HSDL2: variants seen among roughly 807,000 people sequenced by gnomAD.
HSDL2 encodes hydroxysteroid dehydrogenase like 2.
HSDL2 carries 27 observed loss-of-function variants against 46.3 expected under a neutral mutation model. That is an observed-to-expected ratio of 0.58 (90% confidence interval 0.43 to 0.80). The LOEUF is 0.80. HSDL2 is among the 30% of genes least tolerant of loss of function. The pLI, the probability that HSDL2 is intolerant of heterozygous loss-of-function variation, is 0.00. For missense variants in HSDL2, 451 were observed against 502.7 expected, an observed-to-expected ratio of 0.90 and a Z score of 0.98; for synonymous variants, 153 against 163.6, an observed-to-expected ratio of 0.94 and a Z score of 0.50.
intron 8 of HSDL2, among the ~76,000 whole-genome samples, chr9:112,443,629 C>G (rs1377037899): frequency 6.6e-6 from 1 of 152,174 alleles, no homozygotes; most frequent in Non-Finnish European, 1.5e-5. Flanking sequence ...ACTCAGGAGA[C>G]TGAAGCAGGA....
At chr9:112,453,125 G>A (rs944667353) in intron 8 of HSDL2, among the ~76,000 whole-genome samples, 4 of 152,180 alleles carry the variant, frequency 2.6e-5, no homozygotes. Context: ...TCTAACCCGT[G>A]ATGGGAGGAT....
chr9:112,435,268 A>T (rs1454294789), intron 6 of HSDL2, among the ~76,000 whole-genome samples: 2 of 152,114 alleles, frequency 1.3e-5, no homozygotes, highest in African/African-American at 4.8e-5. Flanking sequence ...TATACATGAC[A>T]TATTTTATTA....
chr9:112,466,236 G>A (rs1833373935), intron 10 of HSDL2, among the ~76,000 whole-genome samples: 1 of 152,010 alleles, frequency 6.6e-6, no homozygotes, highest in African/African-American at 2.4e-5. Flanking sequence ...TCAAAATTTG[G>A]TTATTTGTCT....
intron 1 of HSDL2, among the ~76,000 whole-genome samples, chr9:112,402,592 G>A (rs1831629860): frequency 6.6e-6 from 1 of 151,102 alleles, no homozygotes; most frequent in Admixed American, 6.6e-5. Context: ...GCCAGCCTGA[G>A]TAAGATGGTG....
intron 2 of HSDL2, among the ~76,000 whole-genome samples, chr9:112,404,803 G>C (rs1831688279): frequency 6.6e-6 from 1 of 152,216 alleles, no homozygotes; most frequent in South Asian, 2.1e-4. Flanking sequence ...AGTTGACATT[G>C]CTAGTTTTGT....
intron 10 of HSDL2, among the ~76,000 whole-genome samples, chr9:112,466,860 G>A (rs1833406927): frequency 6.6e-6 from 1 of 152,082 alleles, no homozygotes; most frequent in Admixed American, 6.6e-5. Context: ...GTAGATGGTA[G>A]GAGAGTCCAA....
At chr9:112,396,217 G>C (rs564739107) in intron 1 of HSDL2, among the ~76,000 whole-genome samples, 3 of 152,124 alleles carry the variant, frequency 2.0e-5, no homozygotes, top group Non-Finnish European at 4.4e-5. Context: ...GTACCCTTTT[G>C]ACCATCAGGG....
intron 1 of HSDL2, among the ~76,000 whole-genome samples, chr9:112,380,500 G>C (rs1831059915): frequency 6.6e-6 from 1 of 152,190 alleles, no homozygotes; most frequent in African/African-American, 2.4e-5. Flanking sequence ...GTGCCTGGCC[G>C]AATGCGTGTG....
At chr9:112,427,247 G>GT (rs1832272310) in intron 6 of HSDL2, among the ~76,000 whole-genome samples, 1 of 152,118 alleles carries the variant, frequency 6.6e-6, no homozygotes, top group African/African-American at 2.4e-5. Context: ...TAGAGAGGGT[G>GT]TTTTGCCATG....
chr9:112,460,645 G>A (rs2132706495), intron 10 of HSDL2, among the ~76,000 whole-genome samples: 1 of 152,266 alleles, frequency 6.6e-6, no homozygotes, highest in Middle Eastern at 3.4e-3. Flanking sequence ...AGCTACTCCA[G>A]TTAAGGTAGG....
intron 8 of HSDL2, among the ~76,000 whole-genome samples, chr9:112,450,420 G>A (rs189468635): frequency 4.1e-4 from 62 of 151,958 alleles, no homozygotes; most frequent in Middle Eastern, 6.8e-3. Flanking sequence ...ACCTGAGGTC[G>A]GGAGTTCAAG....
chr9:112,394,106 C>T (rs781345033), intron 1 of HSDL2, among the ~76,000 whole-genome samples: 8 of 152,010 alleles, frequency 5.3e-5, no homozygotes, highest in African/African-American at 9.7e-5. Context: ...AAAGGGGGAT[C>T]GGCGTCAAAA....
chr9:112,442,095 CTACAAAAAAAA>C (rs967116744), intron 8 of HSDL2, among the ~76,000 whole-genome samples: 48 of 150,950 alleles, frequency 3.2e-4, no homozygotes, highest in African/African-American at 1.0e-3. Context: ...AACCCCGTCT[CTACAAAAAAAA>C]TACAAAAAAA....
In HSDL2 at chr9:112,391,570, G is replaced by A. The variant is rs188562902; in HGVS notation, c.17+11390G>A. ...TGAAATGTATGTAATTTATAGACTTGTATGAGTCAATAAGAAAAAAGTTAA... is the reference window on the plus strand; with the variant it reads ...TGAAATGTATGTAATTTATAGACTTATATGAGTCAATAAGAAAAAAGTTAA... On this transcript the variant is annotated intron_variant, in intron 1 of 10. Coordinates refer to ENST00000398805, the MANE Select transcript of HSDL2 (RefSeq NM_032303.5). Among the ~76,000 whole-genome samples, 19 of 152,220 alleles carry A rather than the reference G, an allele frequency of 1.2e-4. No individual in the cohort carries two copies. The East Asian group carries it at 3.7e-3, about 29-fold the overall frequency.
intron 6 of HSDL2, among the ~76,000 whole-genome samples, chr9:112,435,315 A>G (rs558040901): frequency 6.6e-6 from 1 of 152,254 alleles, no homozygotes; most frequent in South Asian, 2.1e-4. Flanking sequence ...TTCTTGTACA[A>G]TTCATGTAGT....
intron 3 of HSDL2, among the ~76,000 whole-genome samples, chr9:112,407,656 A>C (rs1188372721): frequency 6.6e-6 from 1 of 152,180 alleles, no homozygotes; most frequent in Non-Finnish European, 1.5e-5. Context: ...ACCTCAAGGG[A>C]TCCACCCACC....
intron 1 of HSDL2, among the ~76,000 whole-genome samples, chr9:112,403,291 T>C (rs1831650363): frequency 6.6e-6 from 1 of 152,222 alleles, no homozygotes; most frequent in Non-Finnish European, 1.5e-5. Context: ...GATCTTTCTG[T>C]CTCTATAGGT....
At chr9:112,457,316 C>T (rs908162392) in intron 9 of HSDL2, among the ~76,000 whole-genome samples, 6 of 152,230 alleles carry the variant, frequency 3.9e-5, no homozygotes, top group Admixed American at 1.3e-4. Context: ...AGTCTCTGCC[C>T]CTTGGTTTGA....
chr9:112,380,118 T>TCGC lies in HSDL2; in HGVS notation c.-36_-34dup, dbSNP rs1564096992. ...GGACGGTCCAGCTTTAGCTCTCTGCTCGCCGCCGCCGCTGTCGCCGCCACC... is the reference window on the plus strand; with the variant it reads ...GGACGGTCCAGCTTTAGCTCTCTGCTCGCCGCCGCCGCCGCTGTCGCCGCCACC... On this transcript the variant is annotated 5_prime_UTR_variant, in exon 1 of 11. Coordinates refer to ENST00000398805, the MANE Select transcript of HSDL2 (RefSeq NM_032303.5). The TCGC allele has an allele frequency of 6.5e-7, 1 of 1,533,072 alleles. No homozygotes were observed. The allele number at this position is 1,533,072 out of a possible 1,614,324, so 95.0% of individuals were successfully genotyped here.
Sources: gnomAD v4.1 joint callset for allele counts (sites outside exome capture counted in the v4.1 genomes callset) on GRCh38, gnomAD v4.1.1 for gene constraint, MANE v1.5 for transcripts, NCBI Gene and HGNC (gene_info 2026-07-23, HGNC 2026-07-21) for gene names.